The following INTS11 variants were observed in gnomAD, a reference collection of about 807,000 sequenced individuals.
INTS11 encodes CPSF3-like protein.
In INTS11, 77 loss-of-function variants were observed where a neutral mutation model predicts 78.6. The ratio of observed to expected loss-of-function variants is 0.98; its 90% CI spans 0.81 to 1.18. The LOEUF (loss-of-function observed/expected upper bound fraction) is 1.18. Among genes scored for constraint, INTS11 ranks in the 50% most tolerant of loss-of-function variants. INTS11 has a pLI of 0.00. For missense variants in INTS11, 875 were observed against 825.9 expected (o/e 1.06, Z -0.73); for synonymous variants, 441 against 326.9 (o/e 1.35, Z -3.77).
rs1642292279 is a variant in INTS11, at chr1:1,312,656, G to C, written c.1339C>G (p.Pro447Ala). ...CCTACGGGGATGCTGGGGCTTGTGG[G>C]CAGCGTCACCGTCTCGCCATTGGCC... Reference protein sequence around the residue: ...MPANGETVTLPTSPSIPVGIS... With the variant: ...MPANGETVTLATSPSIPVGIS... The change falls in exon 13 of 17, where the codon CCC (proline) becomes GCC (alanine). Residue 447 changes from proline to alanine, a missense_variant. By Grantham distance (27) the Pro-to-Ala change is conservative. Transcript: ENST00000435064. 6.3e-7 allele frequency: 1 copy of C among 1,594,956 alleles called. No individual in the cohort carries two copies. The highest frequency in any genetic ancestry group is 8.6e-7 in the Non-Finnish European group (1 of 1,167,710).
At chr1:1,312,531 G>T (rs1304823252) in intron 13 of INTS11, 30 bp from the exon 14 acceptor site, 2 of 1,582,652 alleles carry the variant, frequency 1.3e-6, no homozygotes, top group South Asian at 1.1e-5. Flanking sequence ...AGCCATCAAT[G>T]TGAGGGCCGC....
chr1:1,315,940 A>G (rs1642579352), intron 4 of INTS11, among the ~76,000 whole-genome samples: 1 of 152,192 alleles, frequency 6.6e-6, no homozygotes, highest in Admixed American at 6.5e-5. Context: ...GTGGACAAAG[A>G]ACGAAAGACA....
rs773862725 is a variant in INTS11 at position 1,313,169 on chromosome 1, G to A, written c.1042-45C>T. On this transcript the variant is annotated intron_variant, in intron 10 of 16. Transcript: ENST00000435064. ...TCACAGCCAGGGAACTCCAGCCTTG[G>A]CACCTCAAGGCCTTGCCCGGGATGC... 3.2e-6 allele frequency: 5 copies of A among 1,566,082 alleles called. No homozygotes were observed. The Admixed American group carries it at 7.0e-5, about 22-fold the overall frequency.
intron 1 of INTS11, among the ~76,000 whole-genome samples, chr1:1,322,259 T>C (rs1322545583): frequency 6.6e-6 from 1 of 151,292 alleles, no homozygotes; most frequent in Non-Finnish European, 1.5e-5. Context: ...AGTCCTGAAG[T>C]ACTGGCAGTC....
At chr1:1,313,475 GCTTCC>G in intron 10 of INTS11, 29 bp downstream of exon 10, 1 of 1,610,926 alleles carries the variant, frequency 6.2e-7, no homozygotes, top group Non-Finnish European at 8.5e-7. Flanking sequence ...TCGGCCTCCA[GCTTCC>G]AGATTCCCAC....
intron 10 of INTS11, 188 bp downstream of exon 10, chr1:1,313,321 G>C: frequency 2.3e-6 from 2 of 878,628 alleles, no homozygotes; most frequent in South Asian, 1.6e-5. Context: ...TGTTCTGCCC[G>C]AGGTGGACAA....
chr1:1,323,353 G>C lies in INTS11; in HGVS notation c.28+1228C>G, dbSNP rs148017626. The C allele has an allele frequency of 2.6e-3, 3,821 of 1,493,424 alleles. 78 individuals carry two copies. The African/African-American group carries it at 0.048, about 19-fold the overall frequency. 92.5% of individuals were successfully genotyped at this position (1,493,424 alleles called of 1,614,324 possible). On this transcript the variant is annotated intron_variant, in intron 1 of 16. Coordinates refer to ENST00000435064, the MANE Select transcript of INTS11 (RefSeq NM_017871.6). ...ACACCATGTCCCTCCAGCTGTTTCT[G>C]AGACCCTGGATTTTGACTAATTTTT...
chr1:1,321,898 T>TTCCCCCCCC, intron 1 of INTS11: 9 of 1,141,942 alleles, frequency 7.9e-6, no homozygotes, highest in South Asian at 2.1e-5. Context: ...TCCCCTTGAA[T>TTCCCCCCCC]CCCACCCACC....
intron 9 of INTS11, 42 bp from the exon 10 acceptor site, chr1:1,313,634 ATGCCCCCACCCCCAC>A: frequency 6.2e-7 from 1 of 1,610,428 alleles, no homozygotes; most frequent in Non-Finnish European, 8.5e-7. Flanking sequence ...AGGGCAGCAG[ATGCCCCCACCCCCAC>A]TGCAGGCCCA....
chr1:1,312,192 A>AGGGAGT (rs1317670298), intron 15 of INTS11, 34 bp downstream of exon 15: 1 of 1,201,910 alleles, frequency 8.3e-7, no homozygotes, highest in African/African-American at 4.1e-5. Flanking sequence ...CCAGGGCCCA[A>AGGGAGT]GGGAGTGGGG....
At position 1,324,609 on chromosome 1, in the gene INTS11, C is replaced by T. The variant is rs567417097; in HGVS notation, c.-1G>A. 1.7e-5 allele frequency: 27 copies of T among 1,598,824 alleles called. No individual in the cohort carries two copies. The East Asian group carries it at 6.0e-4, about 36-fold the overall frequency. ...AGGGCGTGACTCTGATCTCAGGCAT[C>T]GTCTCCGCCGCGCTCCCGGACCCGC... is the stretch of plus-strand genomic sequence containing the variant. On this transcript the variant is annotated 5_prime_UTR_variant, in exon 1 of 17. Coordinates refer to ENST00000435064, the MANE Select transcript of INTS11 (RefSeq NM_017871.6).
At position 1,321,002 on chromosome 1, in the gene INTS11, A is replaced by AT; in HGVS notation, c.119dup (p.Asn40LysfsTer2). ...TCCTGCCCAAGGGACTCACGTCGTC[A>AT]TTGAAGCCCATGTGCATTCCACAGT... is the stretch of plus-strand genomic sequence containing the variant. On this transcript the variant is annotated frameshift_variant, in exon 2 of 17. Transcript: ENST00000435064. LOFTEE classifies it high-confidence loss of function. The AT allele has an allele frequency of 6.2e-7, 1 of 1,612,936 alleles. No homozygotes were observed. Among genetic ancestry groups the AT allele is most frequent in the Non-Finnish European group, 8.5e-7 (1 of 1,179,794 alleles).
chr1:1,320,000 C>G (rs1468790038), intron 3 of INTS11: 1 of 187,838 alleles, frequency 5.3e-6, no homozygotes, highest in African/African-American at 2.4e-5. Context: ...AGGGGCTTCT[C>G]CAGGCTTCAC....
In INTS11 at chr1:1,313,128, G is replaced by A. The variant is rs755386598; in HGVS notation, c.1042-4C>T. The A allele has an allele frequency of 6.2e-7, 1 of 1,605,138 alleles. No individual in the cohort carries two copies. Among genetic ancestry groups the A allele is most frequent in the East Asian group, 2.2e-5 (1 of 44,758 alleles). On this transcript the variant is annotated splice_region_variant and splice_polypyrimidine_tract_variant and intron_variant, in intron 10 of 16. Coordinates refer to ENST00000435064, the MANE Select transcript of INTS11 (RefSeq NM_017871.6). Reference sequence around the variant, plus strand: ...CGCAGTAGCCGGGCATGATGACCTGGGGGCAGGCACAGAGCTCACAGCCAG... The same window carrying A: ...CGCAGTAGCCGGGCATGATGACCTGAGGGCAGGCACAGAGCTCACAGCCAG...
chr1:1,312,213 G>GGGGCCCCCCCCCCCCCCC lies in INTS11; in HGVS notation c.1607+12_1607+13insGGGGGGGGGGGGGGGCCC. ...CCCAAGGGAGTGGGGGGGGGGCGGGGCCGGGCGCCCACCTCTTGAGGTGGC... is the reference window on the plus strand; with the variant it reads ...CCCAAGGGAGTGGGGGGGGGGCGGGGGGGCCCCCCCCCCCCCCCCCGGGCGCCCACCTCTTGAGGTGGC... On this transcript the variant is annotated intron_variant, in intron 15 of 16. Transcript: ENST00000435064. 5 of 934,458 alleles carry GGGGCCCCCCCCCCCCCCC rather than the reference G, an allele frequency of 5.4e-6. No homozygotes were observed. Among genetic ancestry groups the GGGGCCCCCCCCCCCCCCC allele is most frequent in the East Asian group, 2.9e-5 (1 of 34,222 alleles). The allele number at this position is 934,458 out of a possible 1,614,324, so 57.9% of individuals were successfully genotyped here.
At chr1:1,318,846 C>T (rs1189505656) in intron 4 of INTS11, 1 of 623,820 alleles carries the variant, frequency 1.6e-6, no homozygotes, top group African/African-American at 1.8e-5. Flanking sequence ...TCACCTGTCA[C>T]TCGCTGATTT....
rs765997408 is a variant in INTS11 at position 1,322,782 on chromosome 1, G to A, written c.29-1689C>T. ...GGGGTAGCCACACACAGGCCAAGGC[G>A]TGGGAGTGACCCCAAGGACACAGCA... On this transcript the variant is annotated intron_variant, in intron 1 of 16. Coordinates refer to ENST00000435064, the MANE Select transcript of INTS11 (RefSeq NM_017871.6). The A allele has an allele frequency of 1.4e-3, 868 of 627,542 alleles. 3 individuals carry two copies. Among genetic ancestry groups the A allele is most frequent in the Non-Finnish European group, 1.6e-3 (813 of 496,004 alleles). 38.9% of individuals were successfully genotyped at this position (627,542 alleles called of 1,614,324 possible).
chr1:1,319,623 T>G, intron 3 of INTS11, 99 bp from the exon 4 acceptor site: 1 of 781,606 alleles, frequency 1.3e-6, no homozygotes, highest in Non-Finnish European at 2.0e-6. Flanking sequence ...TCGCCTGCTG[T>G]GCGCCAGGCC....
At chr1:1,324,173 G>GGGCTGCTGGGCTGAGA (rs1643182359) in intron 1 of INTS11, among the ~76,000 whole-genome samples, 1 of 102,532 alleles carries the variant, frequency 9.8e-6, no homozygotes, top group African/African-American at 3.0e-5. Context: ...GGGGGCTGAG[G>GGGCTGCTGGGCTGAGA]GGCTGGGAGG....
Sources: allele counts gnomAD v4.1 joint callset (sites outside exome capture counted in the v4.1 genomes callset), GRCh38; gene constraint gnomAD v4.1.1; transcripts MANE v1.5; gene names NCBI Gene and HGNC (gene_info 2026-07-23, HGNC 2026-07-21).